CACNA1B: variants seen among roughly 807,000 people sequenced by gnomAD.
The protein encoded by CACNA1B is voltage-dependent N-type calcium channel subunit alpha-1B.
Under a neutral mutation model 247.2 loss-of-function variants are expected in CACNA1B, and 70 were observed. That is an observed-to-expected ratio of 0.28 (90% CI 0.23 to 0.35). CACNA1B has a LOEUF of 0.35. Ranked by LOEUF, CACNA1B falls within the 10% of genes least tolerant of loss-of-function variation. The pLI, the probability that CACNA1B is intolerant of heterozygous loss-of-function variation, is 1.00. For missense variants in CACNA1B, 2,367 were observed against 3,197.4 expected, an observed-to-expected ratio of 0.74 and a Z score of 6.26; for synonymous variants, 1,231 against 1,294.4, an observed-to-expected ratio of 0.95 and a Z score of 1.05.
At chr9:138,116,000 G>A (rs1037162581) in intron 42 of CACNA1B, among the ~76,000 whole-genome samples, 6 of 152,182 alleles carry the variant, frequency 3.9e-5, no homozygotes, top group Admixed American at 2.0e-4. Flanking sequence ...CTTTAAAATC[G>A]TTTCCTGTGA....
Position 138,058,673 on chromosome 9 carries a change from G to A in CACNA1B, c.4413G>A (p.Pro1471=), listed in dbSNP as rs2229947. The A allele has an allele frequency of 6.0e-3, 9,648 of 1,612,660 alleles. 488 individuals are homozygous for A. In the African/African-American group the frequency reaches 0.11, roughly 18 times the overall value. ...QYKTWTFVVS[P]PFEYFIMAMI... ...AGACGTGGACATTTGTGGTCTCCCC[G>A]CCCTTTGAATACTTCATCATGGCCA... The change falls in exon 29 of 47, where the codon CCG becomes CCA. Residue 1471 remains proline, a synonymous_variant. Transcript: ENST00000371372. This position sits in a 1 kb window ranked among gnomAD's most constrained non-coding sequence, Gnocchi z 4.7.
At position 138,102,863 on chromosome 9, in the gene CACNA1B, G is replaced by T; in HGVS notation, c.5319+56G>T. 3 of 1,105,820 alleles carry T rather than the reference G, an allele frequency of 2.7e-6. No individual in the cohort carries two copies. Among genetic ancestry groups the T allele is most frequent in the Admixed American group, 1.9e-5 (1 of 52,882 alleles). The allele number at this position is 1,105,820 out of a possible 1,614,324, so 68.5% of individuals were successfully genotyped here. On this transcript the variant is annotated intron_variant, in intron 38 of 46. Transcript: ENST00000371372. The surrounding 1 kb of genome is among the most constrained non-coding windows in gnomAD (Gnocchi z 5.4). ...GGAGGCTGTGTGTGCTTGCTGAGGG[G>T]TGCTTGCTGGCTCTCCCAGCTCCTC...
intron 39 of CACNA1B, 48 bp from the exon 40 acceptor site, chr9:138,112,350 T>C: frequency 7.1e-7 from 1 of 1,409,582 alleles, no homozygotes; most frequent in South Asian, 1.2e-5. Context: ...GCAGGGCTGC[T>C]CCTAACATCT....
At chr9:137,940,167 C>T (rs1364062194) in intron 6 of CACNA1B, among the ~76,000 whole-genome samples, 2 of 151,984 alleles carry the variant, frequency 1.3e-5, no homozygotes, top group Non-Finnish European at 2.9e-5. Context: ...ATTGGTAGCC[C>T]ATTAGCAAGT....
chr9:137,964,374 G>A (rs1290946234), intron 10 of CACNA1B, among the ~76,000 whole-genome samples: 3 of 152,048 alleles, frequency 2.0e-5, no homozygotes, highest in African/African-American at 7.3e-5. Flanking sequence ...ATTTCTCAGA[G>A]GTTTTGTTCA....
At position 137,984,261 on chromosome 9, in the gene CACNA1B, T is replaced by G; in HGVS notation, c.1769+11T>G. ...CTTCAAAGTCACGAAGTACGTCCCC[T>G]GCGCTCCCAGGCGAGGGCAGGTGTA... On this transcript the variant is annotated intron_variant, in intron 13 of 46. Transcript: ENST00000371372. 1 of 1,557,820 alleles carries G rather than the reference T, an allele frequency of 6.4e-7. No individual in the cohort carries two copies. Among genetic ancestry groups the G allele is most frequent in the South Asian group, 1.2e-5 (1 of 85,036 alleles).
intron 15 of CACNA1B, among the ~76,000 whole-genome samples, chr9:137,991,304 T>C (rs186590931): frequency 6.6e-6 from 1 of 152,196 alleles, no homozygotes; most frequent in African/African-American, 2.4e-5. Context: ...GTCTCAGCAA[T>C]AGAATCGAAC....
intron 18 of CACNA1B, among the ~76,000 whole-genome samples, chr9:138,015,194 G>A (rs1054638062): frequency 2.6e-5 from 4 of 152,180 alleles, no homozygotes; most frequent in Non-Finnish European, 4.4e-5. Flanking sequence ...AGCCCGAGGC[G>A]TCCAGGTGTC....
At chr9:138,077,067 T>C (rs74460685) in intron 35 of CACNA1B, among the ~76,000 whole-genome samples, 6,109 of 152,272 alleles carry the variant, frequency 0.04, 450 homozygotes, top group African/African-American at 0.14. Context: ...TTTGAGGCCT[T>C]TGGTCTCACA....
chr9:137,978,462 G>A (rs1958254963), intron 12 of CACNA1B, among the ~76,000 whole-genome samples: 1 of 151,174 alleles, frequency 6.6e-6, no homozygotes, highest in Admixed American at 6.6e-5. Context: ...GTGAAGGGTG[G>A]GAGCACTACC....
intron 36 of CACNA1B, among the ~76,000 whole-genome samples, chr9:138,084,619 C>T (rs1323445158): frequency 6.6e-6 from 1 of 151,200 alleles, no homozygotes; most frequent in Non-Finnish European, 1.5e-5. Flanking sequence ...ATTTGTTTTA[C>T]CAGATGTACA....
intron 6 of CACNA1B, among the ~76,000 whole-genome samples, chr9:137,948,030 G>C (rs1652352408): frequency 7.8e-6 from 1 of 127,526 alleles, no homozygotes; most frequent in South Asian, 2.6e-4. Context: ...ACCCAGGCTA[G>C]AGTGCAGTGG....
intron 36 of CACNA1B, among the ~76,000 whole-genome samples, chr9:138,085,386 A>G (rs1960661609): frequency 6.6e-6 from 1 of 151,192 alleles, no homozygotes; most frequent in Admixed American, 6.6e-5. Flanking sequence ...TTCAAGAATT[A>G]TGGAGCATGA....
rs1360379264 is a variant in CACNA1B at position 138,050,188 on chromosome 9, T to C, written c.3710+873T>C. On this transcript the variant is annotated intron_variant, in intron 24 of 46. Transcript: ENST00000371372. This position sits in a 1 kb window ranked among gnomAD's most constrained non-coding sequence, Gnocchi z 5.2. ...CAGCCTCACCCCCCGCCCATCCACT[T>C]TCACCCCATCGGGGCTGCATGCTGC... The C allele has an allele frequency of 6.8e-6, 6 of 880,560 alleles. No homozygotes were observed. The African/African-American group carries it at 1.0e-4, about 15-fold the overall frequency. 54.5% of individuals were successfully genotyped at this position (880,560 alleles called of 1,614,324 possible). A position where few individuals can be genotyped will look rare whatever the true frequency, so the allele number is the denominator to read the frequency against.
chr9:138,109,781 AAC>A (rs1259681981), intron 39 of CACNA1B, among the ~76,000 whole-genome samples: 1 of 152,226 alleles, frequency 6.6e-6, no homozygotes, highest in Non-Finnish European at 1.5e-5. Flanking sequence ...CTGTATAGAA[AAC>A]ACAAGGCCAG....
At chr9:137,947,471 A>C (rs932493529) in intron 6 of CACNA1B, among the ~76,000 whole-genome samples, 3 of 152,302 alleles carry the variant, frequency 2.0e-5, no homozygotes, top group East Asian at 1.9e-4. Flanking sequence ...TCATCTGTCA[A>C]ACATAATTTA....
chr9:138,034,562 A>G (rs1163591611), intron 20 of CACNA1B, among the ~76,000 whole-genome samples: 2 of 149,382 alleles, frequency 1.3e-5, no homozygotes, highest in Non-Finnish European at 3.0e-5. Context: ...CACTAGGGAG[A>G]GCTGGGTTTA....
intron 32 of CACNA1B, among the ~76,000 whole-genome samples, chr9:138,070,726 C>G (rs1462236871): frequency 6.6e-6 from 1 of 152,256 alleles, no homozygotes; most frequent in Non-Finnish European, 1.5e-5. Context: ...AGTCAGGCCT[C>G]TGCTCAGCGT....
intron 15 of CACNA1B, among the ~76,000 whole-genome samples, chr9:138,004,190 G>T (rs1410416203): frequency 1.3e-5 from 2 of 152,064 alleles, no homozygotes; most frequent in Non-Finnish European, 2.9e-5. Context: ...CCTGTGAGAA[G>T]GAAAATAGGT....
Sources: allele counts gnomAD v4.1 joint callset (sites outside exome capture counted in the v4.1 genomes callset), GRCh38; gene constraint gnomAD v4.1.1; non-coding constraint Gnocchi (gnomAD v3.1); transcripts MANE v1.5; gene names NCBI Gene and HGNC (gene_info 2026-07-23, HGNC 2026-07-21).